Variants in SH3GL3 observed in about 807,000 individuals in gnomAD.
SH3GL3 encodes SH3 domain containing GRB2 like 3, endophilin A3, also known as endophilin-A3.
SH3GL3 carries 33 observed loss-of-function variants against 47.7 expected under a neutral mutation model. The observed-to-expected ratio is 0.69, with a 90% CI of 0.52 to 0.92. The LOEUF (loss-of-function observed/expected upper bound fraction) is 0.92, where lower values mean the gene tolerates loss of function less well. SH3GL3 is among the 40% of genes least tolerant of loss of function. The probability of loss-of-function intolerance (pLI) is 0.00; values close to 1 mark genes in which losing one functional copy is unlikely to be tolerated. For synonymous variants in SH3GL3, 155 were observed against 148.8 expected (o/e 1.04, Z -0.30); for missense variants, 363 against 417.8 (o/e 0.87, Z 1.14).
intron 1 of SH3GL3, among the ~76,000 whole-genome samples, chr15:83,535,156 C>A (rs764756955): frequency 4.0e-5 from 6 of 151,324 alleles, no homozygotes; most frequent in Admixed American, 6.6e-5. Context: ...TTATTTAAAA[C>A]AAGCTGTTCT....
chr15:83,496,373 A>AG (rs72382169), intron 1 of SH3GL3, among the ~76,000 whole-genome samples: 2 of 95,880 alleles, frequency 2.1e-5, no homozygotes, highest in Non-Finnish European at 4.9e-5. Flanking sequence ...AAAAAAAAAG[A>AG]AAAAAAAAAG....
chr15:83,565,839 T>C (rs539724971), intron 3 of SH3GL3: 1 of 152,214 alleles, frequency 6.6e-6, no homozygotes, highest in Non-Finnish European at 1.5e-5. Flanking sequence ...ATTATCTGCG[T>C]AGAGTTCCTG....
Position 83,603,585 on chromosome 15 carries a change from GT to G in SH3GL3, c.839-14493del, listed in dbSNP as rs2060442622. Among the ~76,000 whole-genome samples the G allele has an allele frequency of 9.2e-5, 14 of 152,224 alleles. No individual in the cohort carries two copies. In the South Asian group the frequency reaches 2.9e-3, roughly 32 times the overall value. ...TTTGGAAGAGCAATCTGCTTATCTT[GT>G]TTTCTTTGGGGTACAGAAACAGTTT... On this transcript the variant is annotated intron_variant, in intron 8 of 8. Transcript: ENST00000427482.
chr15:83,592,222 C>G (rs2060126563), intron 8 of SH3GL3, among the ~76,000 whole-genome samples: 2 of 152,132 alleles, frequency 1.3e-5, no homozygotes, highest in Non-Finnish European at 2.9e-5. Flanking sequence ...CTTCCTAACC[C>G]TTGGTCTTCC....
chr15:83,625,926 G>T, the SH3GL3 span, among the ~76,000 whole-genome samples: 10 of 152,054 alleles, frequency 6.6e-5, no homozygotes, highest in African/African-American at 2.4e-4. Flanking sequence ...TCTGCCTCCT[G>T]GGTTCAAACG....
intron 1 of SH3GL3, among the ~76,000 whole-genome samples, chr15:83,491,900 T>A (rs1268422643): frequency 6.6e-6 from 1 of 152,150 alleles, no homozygotes; most frequent in East Asian, 1.9e-4. Flanking sequence ...AGCCCATACT[T>A]CCTATGTGGT....
intron 8 of SH3GL3, among the ~76,000 whole-genome samples, chr15:83,614,621 G>A (rs141198446): frequency 1.5e-3 from 228 of 152,298 alleles, no homozygotes; most frequent in African/African-American, 5.2e-3. Context: ...CTGATGCCGG[G>A]TTCACCCTGG....
At chr15:83,580,662 G>A (rs2059806575) in intron 6 of SH3GL3, among the ~76,000 whole-genome samples, 2 of 152,274 alleles carry the variant, frequency 1.3e-5, no homozygotes, top group African/African-American at 4.8e-5. Flanking sequence ...TGAAGGACAT[G>A]GCCTGGGCCT....
At chr15:83,624,406 A>G in the SH3GL3 span, among the ~76,000 whole-genome samples, 4 of 152,190 alleles carry the variant, frequency 2.6e-5, no homozygotes, top group East Asian at 7.7e-4. Flanking sequence ...GTGTGATCCT[A>G]CTTGACGCAG....
intron 8 of SH3GL3, among the ~76,000 whole-genome samples, chr15:83,607,691 A>G (rs1339894676): frequency 1.3e-5 from 2 of 152,124 alleles, no homozygotes; most frequent in Non-Finnish European, 2.9e-5. Flanking sequence ...CCTGACTTTT[A>G]GATGTTGGCA....
At chr15:83,532,929 G>T (rs2043746045) in intron 1 of SH3GL3, among the ~76,000 whole-genome samples, 1 of 152,192 alleles carries the variant, frequency 6.6e-6, no homozygotes, top group Non-Finnish European at 1.5e-5. Flanking sequence ...AGGTCTCATT[G>T]CCCATAATGA....
chr15:83,609,144 C>A, intron 8 of SH3GL3: 2 of 391,950 alleles, frequency 5.1e-6, no homozygotes, highest in Admixed American at 2.8e-5. Flanking sequence ...TGCTACCTCA[C>A]AGGATTATTC....
At chr15:83,566,470 G>A (rs927818688) in intron 3 of SH3GL3, among the ~76,000 whole-genome samples, 3 of 151,934 alleles carry the variant, frequency 2.0e-5, no homozygotes, top group African/African-American at 7.3e-5. Flanking sequence ...GAGGATAAAT[G>A]TGAGGTTCAA....
At chr15:83,484,658 C>T (rs2041513855) in intron 1 of SH3GL3, among the ~76,000 whole-genome samples, 1 of 151,968 alleles carries the variant, frequency 6.6e-6, no homozygotes, top group Admixed American at 6.6e-5. Context: ...CTATTCAAGT[C>T]AGCATTTCAC....
At chr15:83,609,268 A>G in intron 8 of SH3GL3, 2 of 456,058 alleles carry the variant, frequency 4.4e-6, no homozygotes. Context: ...CTGATTTCCC[A>G]GCCTACAGCA....
chr15:83,539,171 T>C (rs1265562973), intron 1 of SH3GL3, among the ~76,000 whole-genome samples: 1 of 152,224 alleles, frequency 6.6e-6, no homozygotes, highest in Admixed American at 6.5e-5. Context: ...TCTTAGTCCT[T>C]ACAGGCTGCC....
chr15:83,565,432 G>A (rs117749710), intron 3 of SH3GL3: 21,961 of 488,842 alleles, frequency 0.045, 655 homozygotes, highest in Non-Finnish European at 0.059. Flanking sequence ...CATCCGAATG[G>A]AGTGCTGGTC....
chr15:83,485,946 CT>C (rs1461332870), intron 1 of SH3GL3, among the ~76,000 whole-genome samples: 2 of 152,222 alleles, frequency 1.3e-5, no homozygotes, highest in African/African-American at 4.8e-5. Flanking sequence ...ATTTTGCCAT[CT>C]TTGGTTTATC....
At chr15:83,457,461 C>G (rs2040051955) in intron 1 of SH3GL3, among the ~76,000 whole-genome samples, 2 of 152,122 alleles carry the variant, frequency 1.3e-5, no homozygotes, top group Admixed American at 1.3e-4. Flanking sequence ...AATGCATTAG[C>G]CAGAAAAATG....
Sources: allele counts gnomAD v4.1 joint callset (sites outside exome capture counted in the v4.1 genomes callset), GRCh38; gene constraint gnomAD v4.1.1; transcripts MANE v1.5; gene names NCBI Gene and HGNC (gene_info 2026-07-23, HGNC 2026-07-21).